Variants in CIAO3 observed in about 807,000 individuals in gnomAD.
The protein encoded by CIAO3 is cytosolic iron-sulfur assembly component 3.
In CIAO3, 45 loss-of-function variants were observed where a neutral mutation model predicts 51.5. The ratio of observed to expected loss-of-function variants is 0.87; its 90% confidence interval spans 0.69 to 1.12. CIAO3 has a LOEUF of 1.12. CIAO3 is among the 50% of genes most tolerant of loss of function. CIAO3 has a pLI of 0.00. For synonymous variants in CIAO3, 314 were observed against 269.3 expected, an observed-to-expected ratio of 1.17 and a Z score of -1.63; for missense variants, 668 against 632.5, an observed-to-expected ratio of 1.06 and a Z score of -0.60.
intron 6 of CIAO3, chr16:733,852 C>T: frequency 5.4e-6 from 2 of 367,194 alleles, no homozygotes; most frequent in Non-Finnish European, 1.0e-5. Context: ...CGCCCTCGCC[C>T]TCTCCCGCCC....
chr16:738,175 C>T, intron 2 of CIAO3: 1 of 998,276 alleles, frequency 1.0e-6, no homozygotes, highest in Non-Finnish European at 1.2e-6. Flanking sequence ...AAACCAACTG[C>T]CACTGCACCG....
Position 734,538 on chromosome 16 carries a change from A to G in CIAO3, c.575-191T>C, listed in dbSNP as rs773595211. On this transcript the variant is annotated intron_variant, in intron 5 of 10. Coordinates refer to ENST00000251588, the MANE Select transcript of CIAO3 (RefSeq NM_022493.3). ...GCAGGCGACACCGCCTAGGGACCTGAGGTGACTGCGCGTGGCTCCCACGGG... is the reference window on the plus strand; with the variant it reads ...GCAGGCGACACCGCCTAGGGACCTGGGGTGACTGCGCGTGGCTCCCACGGG... The G allele has an allele frequency of 7.9e-6, 8 of 1,012,982 alleles. No homozygotes were observed. In the East Asian group the frequency reaches 2.0e-4, roughly 25 times the overall value. 62.7% of individuals were successfully genotyped at this position (1,012,982 alleles called of 1,614,324 possible). A position where few individuals can be genotyped will look rare whatever the true frequency, so the allele number is the denominator to read the frequency against.
Position 736,304 on chromosome 16 carries a change from T to C in CIAO3, c.401A>G (p.Asp134Gly). 1 of 1,612,960 alleles carries C rather than the reference T, an allele frequency of 6.2e-7. No individual in the cohort carries two copies. Among genetic ancestry groups the C allele is most frequent in the Non-Finnish European group, 8.5e-7 (1 of 1,179,798 alleles). Reference protein sequence around the residue: ...LAARFQLNPTDTARKLTSFFK... With the variant: ...LAARFQLNPTGTARKLTSFFK... ...GAATGAGGTTAATTTCCTGGCAGTA[T>C]CTGTAGGATTCAGCTGAAACCGTGC... The change falls in exon 4 of 11, where the codon GAT (aspartate) becomes GGT (glycine). Residue 134 changes from aspartate to glycine, a missense_variant. Physicochemically the swap from Asp to Gly is moderately conservative, Grantham distance 94. Coordinates refer to ENST00000251588, the MANE Select transcript of CIAO3 (RefSeq NM_022493.3).
At position 733,324 on chromosome 16, in the gene CIAO3, C is replaced by T. The variant is rs2041304605; in HGVS notation, c.797G>A (p.Arg266Gln). 4 of 1,613,716 alleles carry T rather than the reference C, an allele frequency of 2.5e-6. No homozygotes were observed. The highest frequency in any genetic ancestry group is 1.1e-5 in the South Asian group (1 of 91,086). Residue 266 changes from arginine to glutamine, a missense_variant, in exon 7 of 11, where the codon CGG becomes CAG. By Grantham distance (43) the Arg-to-Gln change is conservative. Transcript: ENST00000251588. ...TGTTGTGAGGACACAGTCCACATCC[C>T]GTGTCTGGTGCTCCTGGTTGAAAAA... is the stretch of plus-strand genomic sequence containing the variant. ...PDFFNQEHQT[R>Q]DVDCVLTTGE...
chr16:730,649 A>C lies in CIAO3; in HGVS notation c.1199T>G (p.Leu400Arg), dbSNP rs2041265180. ...VEVMACPSGC[L>R]NGGGQLQAPD... ...GGCCTGGAGCTGGCCCCCGCCGTTC[A>C]GGCAGCCTATGGGAGAGCAGACGGG... is the stretch of plus-strand genomic sequence containing the variant. Residue 400 changes from leucine to arginine, a missense_variant, in exon 11 of 11, where the codon CTG becomes CGG. By Grantham distance (102) the Leu-to-Arg change is moderately radical (BLOSUM62 -2). Coordinates refer to ENST00000251588, the MANE Select transcript of CIAO3 (RefSeq NM_022493.3). 6.2e-7 allele frequency: 1 copy of C among 1,608,856 alleles called. No homozygotes were observed. The highest frequency in any genetic ancestry group is 1.7e-5 in the Admixed American group (1 of 59,994).
chr16:735,674 T>C (rs1031074693), intron 4 of CIAO3: 1 of 152,730 alleles, frequency 6.5e-6, no homozygotes, highest in Non-Finnish European at 1.5e-5. Context: ...ACAGGAGCCA[T>C]GGGGCACCTG....
In CIAO3 at chr16:737,314, T is replaced by C. The variant is rs759896396; in HGVS notation, c.178A>G (p.Arg60Gly). Residue 60 changes from arginine (R) to glycine (G), a missense_variant, in exon 3 of 11, where the codon AGG becomes GGG. By Grantham distance (125) the Arg-to-Gly change is moderately radical. Coordinates refer to ENST00000251588, the MANE Select transcript of CIAO3 (RefSeq NM_022493.3). This position sits in a 1 kb window ranked among gnomAD's most constrained non-coding sequence, Gnocchi z 5.3. ...AGCGAGACCTTGGCCTTCTCCAGCCTCCGGGTCCCGCCGTCCTACAAGGGA... is the reference window on the plus strand; with the variant it reads ...AGCGAGACCTTGGCCTTCTCCAGCCCCCGGGTCCCGCCGTCCTACAAGGGA... ...FQINQDGGTRRLEKAKVSLND... is the reference protein window; with the variant it reads ...FQINQDGGTRGLEKAKVSLND... The C allele has an allele frequency of 9.3e-6, 15 of 1,613,136 alleles. No individual in the cohort carries two copies. Among genetic ancestry groups the C allele is most frequent in the Non-Finnish European group, 1.3e-5 (15 of 1,179,990 alleles).
intron 6 of CIAO3, chr16:733,819 C>T (rs760458409): frequency 4.7e-5 from 17 of 359,294 alleles, no homozygotes; most frequent in East Asian, 7.0e-5. Flanking sequence ...CATGGGCGCT[C>T]GAGGCCCAGG....
chr16:733,776 C>G (rs993225566), intron 6 of CIAO3: 1 of 382,122 alleles, frequency 2.6e-6, no homozygotes, highest in African/African-American at 2.1e-5. Flanking sequence ...GGTGAAAATC[C>G]GCGTGCAGTC....
At chr16:734,684 C>A in intron 5 of CIAO3, 53 bp downstream of exon 5, 2 of 1,612,670 alleles carry the variant, frequency 1.2e-6, no homozygotes, top group East Asian at 4.5e-5. Context: ...TATCACCTCA[C>A]GTTTCAACTG....
chr16:730,593 G>C lies in CIAO3; in HGVS notation c.1255C>G (p.His419Asp). ...ACCATGCCGTACAGTCTCTCCACGT[G>C]CTGGAGGAGCTCTCTGCTGGGCCTG... is the stretch of plus-strand genomic sequence containing the variant. Reference protein sequence around the residue: ...PDRPSRELLQHVERLYGMVRA... With the variant: ...PDRPSRELLQDVERLYGMVRA... Residue 419 changes from histidine (H) to aspartate (D), a missense_variant, in exon 11 of 11, where the codon CAC becomes GAC. By Grantham distance (81) the His-to-Asp change is moderately conservative. Transcript: ENST00000251588. 6.2e-7 allele frequency: 1 copy of C among 1,610,804 alleles called. No individual in the cohort carries two copies. Among genetic ancestry groups the C allele is most frequent in the Non-Finnish European group, 8.5e-7 (1 of 1,179,976 alleles).
intron 6 of CIAO3, 40 bp downstream of exon 6, chr16:734,189 G>A (rs886410558): frequency 1.5e-5 from 24 of 1,566,410 alleles, no homozygotes; most frequent in Middle Eastern, 1.7e-4. Context: ...ACTTCTGGCC[G>A]CTCCCCAGCC....
intron 7 of CIAO3, 138 bp from the exon 8 acceptor site, chr16:732,511 G>T: frequency 1.0e-6 from 1 of 957,672 alleles, no homozygotes; most frequent in African/African-American, 1.6e-5. Context: ...AGCCCGTGGT[G>T]GGGAGGCCAG....
At chr16:736,915 C>T (rs1317664674) in intron 3 of CIAO3, 5 of 464,564 alleles carry the variant, frequency 1.1e-5, no homozygotes, top group South Asian at 2.3e-5. Flanking sequence ...CCACCCGGCT[C>T]AGCCTCCCAA....
At position 730,287 on chromosome 16, in the gene CIAO3, A is replaced by T; in HGVS notation, c.*130T>A. 1 of 932,946 alleles carries T rather than the reference A, an allele frequency of 1.1e-6. No individual in the cohort carries two copies. The highest frequency in any genetic ancestry group is 1.6e-6 in the Non-Finnish European group (1 of 611,550). The allele number at this position is 932,946 out of a possible 1,614,324, so 57.8% of individuals were successfully genotyped here. A position where few individuals can be genotyped will look rare whatever the true frequency, so the allele number is the denominator to read the frequency against. ...GCGGCTGCGGGTCCTGGCTAGTCCT[A>T]GCTCCTACTCGGGTCCCAGCACACC... is the stretch of plus-strand genomic sequence containing the variant. On this transcript the variant is annotated 3_prime_UTR_variant, in exon 11 of 11. Transcript: ENST00000251588.
At chr16:731,022 T>C (rs1323771519) in intron 9 of CIAO3, 22 bp from the exon 10 acceptor site, 1 of 1,611,662 alleles carries the variant, frequency 6.2e-7, no homozygotes, top group African/African-American at 1.3e-5. Context: ...AGGCGGGGTT[T>C]GTCTACATGG....
rs1195716536 is a variant in CIAO3, at chr16:732,216, G to A, written c.896+85C>T. Reference sequence around the variant, plus strand: ...TGTGGACGCCAAGATGGGCTGCGGGGAGGCAAGCCCAGAGCAGGGGGATGC... The same window carrying A: ...TGTGGACGCCAAGATGGGCTGCGGGAAGGCAAGCCCAGAGCAGGGGGATGC... On this transcript the variant is annotated intron_variant, in intron 8 of 10. Transcript: ENST00000251588. The A allele has an allele frequency of 5.0e-6, 7 of 1,395,828 alleles. No homozygotes were observed. The East Asian group carries it at 6.9e-5, about 14-fold the overall frequency. The allele number at this position is 1,395,828 out of a possible 1,614,324, so 86.5% of individuals were successfully genotyped here. A position where few individuals can be genotyped will look rare whatever the true frequency, so the allele number is the denominator to read the frequency against.
Position 732,351 on chromosome 16 carries a change from C to T in CIAO3, c.846G>A (p.Glu282=). 6.2e-7 allele frequency: 1 copy of T among 1,612,996 alleles called. No homozygotes were observed. Among genetic ancestry groups the T allele is most frequent in the East Asian group, 2.2e-5 (1 of 44,884 alleles). ...LTTGEVFRLL[E]EEGVSLPDLE... ...GGTCGGGGAGGGAGACGCCCTCTTC[C>T]TCCAGCAACCTGAAAACTTCTCCTG... The change falls in exon 8 of 11, where the codon GAG becomes GAA. Residue 282 remains glutamate, a synonymous_variant. Transcript: ENST00000251588.
rs950194723 is a variant in CIAO3 at position 734,340 on chromosome 16, G to T, written c.582C>A (p.Ile194=). The part of the protein sequence containing the change: ...PLLASACPGW[I]CYAEKTHGSF... ...TGCCGTGAGTCTTCTCGGCATAGCAGATCCAGCCTGAGGTGACAGGGGGCA... is the reference window on the plus strand; with the variant it reads ...TGCCGTGAGTCTTCTCGGCATAGCATATCCAGCCTGAGGTGACAGGGGGCA... Residue 194 remains isoleucine (I), a synonymous_variant, in exon 6 of 11, where the codon ATC becomes ATA. Coordinates refer to ENST00000251588, the MANE Select transcript of CIAO3 (RefSeq NM_022493.3). 1 of 1,609,358 alleles carries T rather than the reference G, an allele frequency of 6.2e-7. No homozygotes were observed. Among genetic ancestry groups the T allele is most frequent in the Admixed American group, 1.7e-5 (1 of 59,944 alleles).
Sources: allele counts gnomAD v4.1 joint callset, GRCh38; gene constraint gnomAD v4.1.1; non-coding constraint Gnocchi (gnomAD v3.1); transcripts MANE v1.5; gene names NCBI Gene and HGNC (gene_info 2026-07-23, HGNC 2026-07-21).